The following KIF26A variants were observed in gnomAD, a reference collection of about 807,000 sequenced individuals.
KIF26A encodes the protein kinesin family member 26A, also known as kinesin-like protein KIF26A.
A neutral mutation model predicts 126.0 loss-of-function variants in KIF26A; 74 were observed. That is an observed-to-expected ratio of 0.59 (90% CI 0.49 to 0.71). KIF26A has a LOEUF of 0.71. Among genes scored for constraint, KIF26A ranks in the 30% least tolerant of loss-of-function variants. KIF26A has a pLI of 0.00. For synonymous variants in KIF26A, 1,445 were observed against 1,232.7 expected (o/e 1.17, Z -3.61); for missense variants, 2,984 against 2,763.3 (o/e 1.08, Z -1.79).
chr14:104,160,339 G>A (rs980019803), intron 4 of KIF26A, among the ~76,000 whole-genome samples: 67 of 152,106 alleles, frequency 4.4e-4, no homozygotes, highest in African/African-American at 1.6e-3. Flanking sequence ...GCCGGATTAG[G>A]GCACCAGCCT....
Position 104,178,763 on chromosome 14 carries a change from C to A in KIF26A, c.5316+8C>A. 6.8e-7 allele frequency: 1 copy of A among 1,466,538 alleles called. No homozygotes were observed. The highest frequency in any genetic ancestry group is 9.2e-7 in the Non-Finnish European group (1 of 1,083,388). 90.8% of individuals were successfully genotyped at this position (1,466,538 alleles called of 1,614,324 possible). On this transcript the variant is annotated splice_region_variant and intron_variant, in intron 13 of 14. Transcript: ENST00000423312. ...AGGGAGGCCCCCACCCAGGTAGGGC[C>A]TTTGGTGGGCTGGGGTCTATGACCC...
At position 104,157,779 on chromosome 14, in the gene KIF26A, G is replaced by A. The variant is rs2037794307; in HGVS notation, c.760G>A (p.Ala254Thr). The A allele has an allele frequency of 1.2e-6, 2 of 1,610,620 alleles. No homozygotes were observed. The highest frequency in any genetic ancestry group is 1.7e-6 in the Non-Finnish European group (2 of 1,179,096). ...GGCCGAGGCAGCGGTGGCGGCCGTG[G>A]CGGTGGCAGACACGGTCCGAGAATG... The part of the protein sequence containing the change: ...CLAEAAVAAV[A>T]VADTVRECPP... Residue 254 changes from alanine (A) to threonine (T), a missense_variant, in exon 4 of 15, where the codon GCG becomes ACG. Transcript: ENST00000423312.
chr14:104,139,504 G>T (rs1217202831), intron 2 of KIF26A, among the ~76,000 whole-genome samples: 3 of 152,216 alleles, frequency 2.0e-5, no homozygotes, highest in African/African-American at 7.2e-5. Context: ...CTGCTGCCTC[G>T]GATGGGAGGG....
chr14:104,154,738 C>T (rs940166319), intron 3 of KIF26A, among the ~76,000 whole-genome samples: 7 of 152,234 alleles, frequency 4.6e-5, no homozygotes, highest in Non-Finnish European at 8.8e-5. Flanking sequence ...GCTGCGAGAC[C>T]GAGGCTCTGG....
At chr14:104,179,521 G>C in intron 14 of KIF26A, 88 bp from the exon 15 acceptor site, 2 of 1,435,148 alleles carry the variant, frequency 1.4e-6, no homozygotes, top group Non-Finnish European at 1.8e-6. Context: ...GGGCCAAGAT[G>C]CCTTTCCTGG....
At chr14:104,179,417 G>GT in intron 14 of KIF26A, 31 bp downstream of exon 14, 1 of 1,469,364 alleles carries the variant, frequency 6.8e-7, no homozygotes. Flanking sequence ...GACCCAGCCC[G>GT]GCCCACCGTG....
Position 104,139,124 on chromosome 14 carries a change from C to G in KIF26A, c.124C>G (p.Gln42Glu). The G allele has an allele frequency of 6.6e-7, 1 of 1,507,494 alleles. No homozygotes were observed. The allele number at this position is 1,507,494 out of a possible 1,614,324, so 93.4% of individuals were successfully genotyped here. ...PRKRLPAGPD[Q>E]DPCGSRPAPE... ...AAAGAGGCTACCCGCCGGGCCCGAC[C>G]AGGACCCATGCGGCAGCCGCCCTGC... is the stretch of plus-strand genomic sequence containing the variant. Residue 42 changes from glutamine to glutamate, a missense_variant, in exon 2 of 15, where the codon CAG becomes GAG. By Grantham distance (29) the Gln-to-Glu change is conservative. Transcript: ENST00000423312.
chr14:104,149,051 C>T (rs1391368613), intron 2 of KIF26A, among the ~76,000 whole-genome samples: 1 of 152,190 alleles, frequency 6.6e-6, no homozygotes. Flanking sequence ...GTGCCCTGGC[C>T]CCTATGCTGT....
At position 104,142,998 on chromosome 14, in the gene KIF26A, C is replaced by T. The variant is rs187188789; in HGVS notation, c.288+3710C>T. On this transcript the variant is annotated intron_variant, in intron 2 of 14. Transcript: ENST00000423312. ...TGGTTCCCTGCTTCAAGGAGAGGGT[C>T]CCTGCTTGGGGATCCATTCCAGCTG... Among the ~76,000 whole-genome samples, 371 of 152,356 alleles carry T rather than the reference C, an allele frequency of 2.4e-3. 1 individual carries two copies. Among genetic ancestry groups the T allele is most frequent in the Non-Finnish European group, 3.1e-3 (208 of 68,032 alleles).
intron 3 of KIF26A, among the ~76,000 whole-genome samples, chr14:104,155,981 T>C (rs1004405890): frequency 2.0e-5 from 3 of 152,210 alleles, no homozygotes; most frequent in Non-Finnish European, 2.9e-5. Context: ...CACTGGACAC[T>C]GTGATTGGGC....
intron 4 of KIF26A, among the ~76,000 whole-genome samples, chr14:104,164,307 C>T (rs919144624): frequency 2.0e-4 from 31 of 152,006 alleles, no homozygotes; most frequent in Admixed American, 1.3e-4. Flanking sequence ...GTCGGGGGAG[C>T]GCCGGTGGTC....
Position 104,175,502 on chromosome 14 carries a change from C to T in KIF26A, c.2714C>T (p.Pro905Leu). 6.3e-7 allele frequency: 1 copy of T among 1,596,098 alleles called. No homozygotes were observed. Among genetic ancestry groups the T allele is most frequent in the Non-Finnish European group, 8.5e-7 (1 of 1,177,956 alleles). The stretch of plus-strand genomic sequence containing the variant: ...AGCACCCCTCGAGGCAGTTCTGGTC[C>T]AGACACCCACCAGGGTACCCCTGAG... The part of the protein sequence containing the change: ...AASTPRGSSG[P>L]DTHQGTPEPC... Residue 905 changes from proline (P) to leucine (L), a missense_variant, in exon 12 of 15, where the codon CCA (proline) becomes CTA (leucine). Coordinates refer to ENST00000423312, the MANE Select transcript of KIF26A (RefSeq NM_015656.2).
In KIF26A at chr14:104,176,002, C is replaced by T. The variant is rs1479960806; in HGVS notation, c.3214C>T (p.Pro1072Ser). 1 of 1,584,262 alleles carries T rather than the reference C, an allele frequency of 6.3e-7. No individual in the cohort carries two copies. The highest frequency in any genetic ancestry group is 1.1e-5 in the South Asian group (1 of 88,224). ...SLRALASGSR[P>S]VSIISSINDE... is the part of the protein sequence containing the mutation. ...GCGGGCCCTGGCCTCGGGGTCCCGG[C>T]CAGTCAGCATCATCAGCAGCATCAA... The change falls in exon 12 of 15, where the codon CCA (proline) becomes TCA (serine). Residue 1072 changes from proline to serine, a missense_variant. Pro to Ser is a moderately conservative substitution (Grantham distance 74). Coordinates refer to ENST00000423312, the MANE Select transcript of KIF26A (RefSeq NM_015656.2).
chr14:104,156,979 C>T (rs1204048959), intron 3 of KIF26A, among the ~76,000 whole-genome samples: 1 of 152,070 alleles, frequency 6.6e-6, no homozygotes, highest in Non-Finnish European at 1.5e-5. Context: ...GGGCACTGGG[C>T]CCTTGGGGAA....
intron 2 of KIF26A, among the ~76,000 whole-genome samples, chr14:104,144,836 G>T (rs183742540): frequency 6.6e-6 from 1 of 152,244 alleles, no homozygotes; most frequent in Non-Finnish European, 1.5e-5. Flanking sequence ...GAGTAAATAA[G>T]TAAGAGTAAA....
At chr14:104,178,141 T>TG (rs1369272261) in intron 12 of KIF26A, among the ~76,000 whole-genome samples, 2 of 152,158 alleles carry the variant, frequency 1.3e-5, no homozygotes, top group African/African-American at 2.4e-5. Context: ...CACCCTGCCC[T>TG]GGGGGGCTGA....
intron 2 of KIF26A, among the ~76,000 whole-genome samples, chr14:104,150,425 T>C (rs2037718417): frequency 6.6e-6 from 1 of 151,832 alleles, no homozygotes; most frequent in Admixed American, 6.6e-5. Context: ...CGCCTTTTCA[T>C]GCGACCTGCC....
chr14:104,164,740 C>T (rs2039891), intron 4 of KIF26A, among the ~76,000 whole-genome samples: 145,786 of 147,654 alleles, frequency 0.99, 71,960 homozygotes, highest in Middle Eastern at 1. Context: ...TGTGTGTGTG[C>T]GCGTGTCTGT....
In KIF26A at chr14:104,175,732, G is replaced by T. The variant is rs759984609; in HGVS notation, c.2944G>T (p.Val982Leu). The T allele has an allele frequency of 3.7e-5, 57 of 1,555,418 alleles. No homozygotes were observed. In the African/African-American group the frequency reaches 6.2e-4, roughly 17 times the overall value. ...GTDGVARTPP[V>L]GMSGQVAGSP... ...TGATGGAGTGGCACGGACCCCTCCC[G>T]TGGGCATGAGTGGGCAGGTGGCTGG... The change falls in exon 12 of 15, where the codon GTG becomes TTG. Residue 982 changes from valine (V) to leucine (L), a missense_variant. Transcript: ENST00000423312.
Sources: gnomAD v4.1 joint callset for allele counts (sites outside exome capture counted in the v4.1 genomes callset) on GRCh38, gnomAD v4.1.1 for gene constraint, MANE v1.5 for transcripts, NCBI Gene and HGNC (gene_info 2026-07-23, HGNC 2026-07-21) for gene names.